Variants in PRKG1 observed in about 807,000 individuals in gnomAD.
The protein encoded by PRKG1 is cGMP-dependent protein kinase 1.
PRKG1 carries 35 observed loss-of-function variants against 88.1 expected under a neutral mutation model. That is an observed-to-expected ratio of 0.40 (90% confidence interval 0.30 to 0.53). PRKG1 has a LOEUF of 0.53. Among genes scored for constraint, PRKG1 ranks in the 20% least tolerant of loss-of-function variants. PRKG1 has a pLI of 0.59. For missense variants in PRKG1, 540 were observed against 839.8 expected (o/e 0.64, Z 4.41); for synonymous variants, 303 against 292.5 (o/e 1.04, Z -0.37).
At chr10:52,204,509 C>A (rs1839763982) in intron 9 of PRKG1, among the ~76,000 whole-genome samples, 1 of 152,154 alleles carries the variant, frequency 6.6e-6, no homozygotes, top group African/African-American at 2.4e-5. Context: ...GTGAAGATTT[C>A]ATGGACATTT....
intron 5 of PRKG1, among the ~76,000 whole-genome samples, chr10:51,970,831 G>GATATATATATATATATATATATGTGAT (rs59493582): frequency 7.3e-6 from 1 of 136,618 alleles, no homozygotes; most frequent in Admixed American, 7.5e-5. Flanking sequence ...ATATATATGT[G>GATATATATATATATATATATATGTGAT]ATATATATAT....
chr10:51,193,985 T>C (rs1837696386), intron 2 of PRKG1, among the ~76,000 whole-genome samples: 1 of 152,154 alleles, frequency 6.6e-6, no homozygotes, highest in Non-Finnish European at 1.5e-5. Context: ...CTTTGTAAAT[T>C]GTTCAGAATG....
chr10:51,475,066 A>G (rs1208954816), intron 3 of PRKG1, among the ~76,000 whole-genome samples: 1 of 152,012 alleles, frequency 6.6e-6, no homozygotes, highest in Non-Finnish European at 1.5e-5. Flanking sequence ...CATGAAGTGC[A>G]TTAGTGTAGT....
chr10:51,835,251 G>T (rs1242009883), intron 4 of PRKG1, among the ~76,000 whole-genome samples: 1 of 152,198 alleles, frequency 6.6e-6, no homozygotes, highest in Admixed American at 6.5e-5. Context: ...GGAAGGAAGT[G>T]CTGTTTTGAA....
chr10:52,033,742 C>T (rs976140154), intron 5 of PRKG1, among the ~76,000 whole-genome samples: 4 of 152,040 alleles, frequency 2.6e-5, no homozygotes, highest in African/African-American at 9.7e-5. Flanking sequence ...AGTGGGTTTG[C>T]ACAAGTGGTA....
chr10:51,163,728 G>A lies in PRKG1; in HGVS notation c.478+10398G>A, dbSNP rs552201340. Among the ~76,000 whole-genome samples, 18 of 152,300 alleles carry A rather than the reference G, an allele frequency of 1.2e-4. No individual in the cohort carries two copies. The South Asian group carries it at 1.7e-3, about 14-fold the overall frequency. ...TTTTCCGACGGGCTTAAAAAACGGC[G>A]CACCAGGAGATTATATCTCGCACCT... On this transcript the variant is annotated intron_variant, in intron 2 of 17. Transcript: ENST00000373980.
At chr10:51,134,939 G>A (rs1845654521) in intron 1 of PRKG1, among the ~76,000 whole-genome samples, 1 of 152,068 alleles carries the variant, frequency 6.6e-6, no homozygotes, top group South Asian at 2.1e-4. Context: ...TAATAAAATG[G>A]ATAAATAATT....
At chr10:52,290,051 G>A (rs1842205480) in intron 16 of PRKG1, among the ~76,000 whole-genome samples, 173 bp from the exon 17 acceptor site, 4 of 152,120 alleles carry the variant, frequency 2.6e-5, no homozygotes, top group Admixed American at 2.6e-4. Context: ...TTAAAAATAT[G>A]TATTTCATAA....
intron 8 of PRKG1, among the ~76,000 whole-genome samples, chr10:52,153,753 C>T (rs1397074558): frequency 6.6e-6 from 1 of 151,896 alleles, no homozygotes; most frequent in Non-Finnish European, 1.5e-5. Context: ...TTTATTCATT[C>T]ATTTATTTTG....
chr10:51,460,518 T>G (rs767756752), intron 2 of PRKG1, among the ~76,000 whole-genome samples: 1 of 152,202 alleles, frequency 6.6e-6, no homozygotes, highest in Non-Finnish European at 1.5e-5. Flanking sequence ...ATGATTAGTC[T>G]ATTTTCCTTT....
rs570503292 is a variant in PRKG1 at position 52,015,412 on chromosome 10, G to A, written c.763-39072G>A. 2.5e-3 allele frequency among the ~76,000 whole-genome samples: 373 copies of A among 152,186 alleles called. 1 individual carries two copies. The highest frequency in any genetic ancestry group is 4.4e-3 in the Non-Finnish European group (301 of 68,030). The stretch of plus-strand genomic sequence containing the variant: ...GGGACACAGCGCACCATGTCCCAAG[G>A]CTGCACAGAGAAGCAGGGTCTTGGG... On this transcript the variant is annotated intron_variant, in intron 5 of 17. Transcript: ENST00000373980.
chr10:51,319,658 C>A (rs1003617232), intron 2 of PRKG1, among the ~76,000 whole-genome samples: 1 of 152,230 alleles, frequency 6.6e-6, no homozygotes, highest in African/African-American at 2.4e-5. Context: ...TGTTGACCAT[C>A]TCCCTTATCA....
chr10:51,889,363 T>C (rs1410945820), intron 4 of PRKG1, among the ~76,000 whole-genome samples: 1 of 152,042 alleles, frequency 6.6e-6, no homozygotes, highest in African/African-American at 2.4e-5. Flanking sequence ...TCCGGCTTCA[T>C]CCATGTCCCT....
At chr10:52,038,298 T>C (rs1485740884) in intron 5 of PRKG1, among the ~76,000 whole-genome samples, 1 of 150,210 alleles carries the variant, frequency 6.7e-6, no homozygotes, top group Non-Finnish European at 1.5e-5. Flanking sequence ...AGGGAAGGGG[T>C]TCGGGGGTTC....
chr10:51,214,923 G>C (rs1262897553), intron 2 of PRKG1, among the ~76,000 whole-genome samples: 1 of 152,150 alleles, frequency 6.6e-6, no homozygotes, highest in African/African-American at 2.4e-5. Context: ...ACACATGTTT[G>C]CAAATCACCA....
Position 51,946,924 on chromosome 10 carries a change from C to T in PRKG1, c.762+39354C>T, listed in dbSNP as rs375648646. On this transcript the variant is annotated intron_variant, in intron 5 of 17. Transcript: ENST00000373980. Reference sequence around the variant, plus strand: ...CAGGGGTCAGGGGTCAGGGACCCACCTGAGGAGGCAGTCTGCCTGTTCTCA... The same window carrying T: ...CAGGGGTCAGGGGTCAGGGACCCACTTGAGGAGGCAGTCTGCCTGTTCTCA... 7.2e-5 allele frequency among the ~76,000 whole-genome samples: 11 copies of T among 152,206 alleles called. No individual in the cohort carries two copies. The East Asian group carries it at 1.5e-3, about 21-fold the overall frequency.
intron 2 of PRKG1, among the ~76,000 whole-genome samples, chr10:51,196,820 A>C (rs767751515): frequency 5.1e-4 from 77 of 152,356 alleles, no homozygotes; most frequent in Non-Finnish European, 9.7e-4. Flanking sequence ...CACTTTCTGC[A>C]GATGAAATTG....
chr10:51,544,095 G>A (rs1166393764), intron 3 of PRKG1, among the ~76,000 whole-genome samples: 2 of 151,952 alleles, frequency 1.3e-5, no homozygotes, highest in African/African-American at 4.8e-5. Context: ...GGGTACATGT[G>A]AACAATGTGC....
chr10:51,125,684 A>C (rs1244834398), intron 1 of PRKG1, among the ~76,000 whole-genome samples: 1 of 147,860 alleles, frequency 6.8e-6, no homozygotes, highest in Non-Finnish European at 1.5e-5. Flanking sequence ...TCTGTCTCAA[A>C]AAAAAAAAAT....
Sources: gnomAD v4.1 joint callset for allele counts (sites outside exome capture counted in the v4.1 genomes callset) on GRCh38, gnomAD v4.1.1 for gene constraint, MANE v1.5 for transcripts, NCBI Gene and HGNC (gene_info 2026-07-23, HGNC 2026-07-21) for gene names.